PIP: variants seen among roughly 807,000 people sequenced by gnomAD.
The protein encoded by PIP is prolactin-inducible protein.
In PIP, 9 loss-of-function variants were observed where a neutral mutation model predicts 12.8. The observed-to-expected ratio is 0.70, with a 90% CI of 0.42 to 1.23. The LOEUF (loss-of-function observed/expected upper bound fraction) is 1.23. PIP is among the 50% of genes most tolerant of loss of function. The pLI, the probability that PIP is intolerant of heterozygous loss-of-function variation, is 0.00. For missense variants in PIP, 172 were observed against 179.5 expected, an observed-to-expected ratio of 0.96 and a Z score of 0.24; for synonymous variants, 60 against 66.1, an observed-to-expected ratio of 0.91 and a Z score of 0.45.
rs140513683 is a variant in PIP, at chr7:143,139,095, C to T, written c.222C>T (p.Ser74=). 6 of 1,582,152 alleles carry T rather than the reference C, an allele frequency of 3.8e-6. No homozygotes were observed. The highest frequency in any genetic ancestry group is 1.7e-4 in the Middle Eastern group (1 of 6,026). ...ECMVVKTYLI[S]SIPLQGAFNY... ...ACCAGGTTAAAACTTACCTCATTAG[C>T]AGCATCCCTCTACAAGGTGCATTTA... Residue 74 remains serine (S), a synonymous_variant, in exon 3 of 4, where the codon AGC becomes AGT. Coordinates refer to ENST00000291009, the MANE Select transcript of PIP (RefSeq NM_002652.3).
At chr7:143,134,221 T>A (rs1799277685) in intron 1 of PIP, among the ~76,000 whole-genome samples, 1 of 109,352 alleles carries the variant, frequency 9.1e-6, no homozygotes, top group Admixed American at 9.1e-5. Flanking sequence ...TATATATATA[T>A]ATATATATAT....
At position 143,135,195 on chromosome 7, in the gene PIP, C is replaced by T. The variant is rs376369577; in HGVS notation, c.97C>T (p.Arg33Trp). The T allele has an allele frequency of 8.6e-6, 13 of 1,508,676 alleles. No individual in the cohort carries two copies. Among genetic ancestry groups the T allele is most frequent in the South Asian group, 3.4e-5 (3 of 88,556 alleles). The allele number at this position is 1,508,676 out of a possible 1,614,324, so 93.5% of individuals were successfully genotyped here. A position where few individuals can be genotyped will look rare whatever the true frequency, so the allele number is the denominator to read the frequency against. The change falls in exon 2 of 4, where the codon CGG becomes TGG. Residue 33 changes from arginine to tryptophan, a missense_variant and splice_region_variant. Physicochemically the swap from Arg to Trp is moderately radical, Grantham distance 101 (BLOSUM62 -3). Transcript: ENST00000291009. ...LGANKAQDNT[R>W]KIIIKNFDIP... ...CTGATTCTCTCTTCCCACAATCAGT[C>T]GGAAGATCATAATAAAGAATTTTGA...
At chr7:143,132,835 A>G (rs574986609) in intron 1 of PIP, among the ~76,000 whole-genome samples, 2 of 152,228 alleles carry the variant, frequency 1.3e-5, no homozygotes, top group Non-Finnish European at 2.9e-5. Flanking sequence ...AATTGGAGCA[A>G]GTAAAATAAA....
At chr7:143,139,288 C>A in intron 3 of PIP, 99 bp downstream of exon 3, 1 of 878,488 alleles carries the variant, frequency 1.1e-6, no homozygotes, top group Non-Finnish European at 1.9e-6. Context: ...AGGACCAGGA[C>A]CTCAGGGCAG....
chr7:143,137,753 A>T (rs1321360131), intron 2 of PIP, among the ~76,000 whole-genome samples: 2 of 151,996 alleles, frequency 1.3e-5, no homozygotes, highest in Non-Finnish European at 2.9e-5. Flanking sequence ...TACAAAAATT[A>T]GCCAGGGCTG....
intron 2 of PIP, 114 bp from the exon 3 acceptor site, chr7:143,138,961 A>T: frequency 1.5e-6 from 1 of 679,598 alleles, no homozygotes; most frequent in African/African-American, 1.8e-5. Context: ...CCCTTGCCCT[A>T]GGCCCACCTC....
At chr7:143,132,272 T>G in intron 1 of PIP, 61 bp downstream of exon 1, 1 of 1,574,136 alleles carries the variant, frequency 6.4e-7, no homozygotes, top group Non-Finnish European at 8.7e-7. Flanking sequence ...TCTCCCAGTC[T>G]GGAAATTACA....
At chr7:143,132,322 T>C (rs1005341945) in intron 1 of PIP, 111 bp downstream of exon 1, 1 of 1,270,346 alleles carries the variant, frequency 7.9e-7, no homozygotes, top group African/African-American at 1.5e-5. Flanking sequence ...CCCAGAACTC[T>C]AGTCCCAGGA....
At chr7:143,138,444 T>C (rs1799332825) in intron 2 of PIP, among the ~76,000 whole-genome samples, 1 of 152,118 alleles carries the variant, frequency 6.6e-6, no homozygotes, top group African/African-American at 2.4e-5. Flanking sequence ...CACTGAAATT[T>C]ATATATACAA....
At chr7:143,137,794 G>A (rs1172442036) in intron 2 of PIP, among the ~76,000 whole-genome samples, 1 of 152,054 alleles carries the variant, frequency 6.6e-6, no homozygotes, top group African/African-American at 2.4e-5. Context: ...CAGCTACTCA[G>A]GAGGCTGAGG....
chr7:143,137,563 G>T (rs1340680331), intron 2 of PIP, among the ~76,000 whole-genome samples: 2 of 152,058 alleles, frequency 1.3e-5, no homozygotes, highest in African/African-American at 4.8e-5. Flanking sequence ...TACAAGTGGT[G>T]TAAATTCTGA....
At chr7:143,137,655 T>C (rs1236274872) in intron 2 of PIP, among the ~76,000 whole-genome samples, 2 of 152,032 alleles carry the variant, frequency 1.3e-5, no homozygotes, top group Middle Eastern at 3.2e-3. Context: ...ATCCCAGCAC[T>C]TTGGGAGGCC....
At chr7:143,135,409 T>C in intron 2 of PIP, 110 bp downstream of exon 2, 1 of 528,156 alleles carries the variant, frequency 1.9e-6, no homozygotes, top group Non-Finnish European at 3.5e-6. Flanking sequence ...TGAAACATTC[T>C]CACTTATGTT....
At chr7:143,135,116 T>A in intron 1 of PIP, 78 bp from the exon 2 acceptor site, 1 of 712,180 alleles carries the variant, frequency 1.4e-6, no homozygotes, top group Non-Finnish European at 2.6e-6. Flanking sequence ...CTGTGCCCCT[T>A]GCCCTGTTCA....
intron 1 of PIP, 75 bp from the exon 2 acceptor site, chr7:143,135,119 C>A: frequency 1.4e-6 from 1 of 731,862 alleles, no homozygotes; most frequent in East Asian, 2.7e-5. Context: ...TGCCCCTTGC[C>A]CTGTTCATGG....
intron 2 of PIP, among the ~76,000 whole-genome samples, chr7:143,135,825 C>A (rs1218724859): frequency 6.6e-6 from 1 of 152,058 alleles, no homozygotes; most frequent in Admixed American, 6.6e-5. Context: ...AGCCTCCCCA[C>A]CCTGACAAGG....
chr7:143,135,718 A>G (rs766715188), intron 2 of PIP, among the ~76,000 whole-genome samples: 5 of 151,908 alleles, frequency 3.3e-5, no homozygotes, highest in Non-Finnish European at 5.9e-5. Context: ...CATGCAGGAT[A>G]TGACTCCTCC....
At chr7:143,136,461 T>A (rs190194356) in intron 2 of PIP, among the ~76,000 whole-genome samples, 1 of 152,222 alleles carries the variant, frequency 6.6e-6, no homozygotes, top group Admixed American at 6.5e-5. Flanking sequence ...TCCTGGTCAA[T>A]GAGCAAAGAA....
rs1478642261 is a variant in PIP at position 143,137,795 on chromosome 7, G to T, written c.202-1280G>T. On this transcript the variant is annotated intron_variant, in intron 2 of 3. Coordinates refer to ENST00000291009, the MANE Select transcript of PIP (RefSeq NM_002652.3). ...CGCACCTGTAATCCCAGCTACTCAG[G>T]AGGCTGAGGCAGAAGAATCACTTGA... 4.6e-5 allele frequency among the ~76,000 whole-genome samples: 7 copies of T among 151,912 alleles called. 1 individual carries two copies. Among genetic ancestry groups the T allele is most frequent in the Admixed American group, 4.6e-4 (7 of 15,250 alleles).
Sources: gnomAD v4.1 joint callset for allele counts (sites outside exome capture counted in the v4.1 genomes callset) on GRCh38, gnomAD v4.1.1 for gene constraint, MANE v1.5 for transcripts, NCBI Gene and HGNC (gene_info 2026-07-23, HGNC 2026-07-21) for gene names.